The following CAST variants were observed in gnomAD, a reference collection of about 807,000 sequenced individuals.
CAST encodes the protein MIR583 host.
Under a neutral mutation model 119.6 loss-of-function variants are expected in CAST, and 76 were observed. That is an observed-to-expected ratio of 0.64 (90% CI 0.53 to 0.77). The LOEUF (loss-of-function observed/expected upper bound fraction) is 0.77, where lower values mean the gene tolerates loss of function less well. CAST is among the 30% of genes least tolerant of loss of function. The probability of loss-of-function intolerance (pLI) is 0.00; values close to 1 mark genes in which losing one functional copy is unlikely to be tolerated. For synonymous variants in CAST, 319 were observed against 331.6 expected (o/e 0.96, Z 0.41); for missense variants, 953 against 946.5 (o/e 1.01, Z -0.09).
chr5:96,378,974 G>A, the CAST span, among the ~76,000 whole-genome samples: 24 of 151,852 alleles, frequency 1.6e-4, no homozygotes, highest in African/African-American at 1.5e-4. Flanking sequence ...TAAAACTTTC[G>A]AATTCATTTT....
At chr5:96,208,768 C>T in the CAST span, among the ~76,000 whole-genome samples, 9 of 151,692 alleles carry the variant, frequency 5.9e-5, no homozygotes, top group Non-Finnish European at 1.3e-4. Flanking sequence ...GAGTATATGA[C>T]ATGTGCAGCT....
the CAST span, among the ~76,000 whole-genome samples, chr5:96,078,398 CTT>C: frequency 3.8e-4 from 55 of 145,574 alleles, no homozygotes; most frequent in Non-Finnish European, 3.3e-4. Context: ...TCTGATCAAG[CTT>C]TTTTTTTTTT....
the CAST span, among the ~76,000 whole-genome samples, chr5:96,154,103 C>T: frequency 5.9e-5 from 9 of 151,872 alleles, no homozygotes; most frequent in Non-Finnish European, 8.8e-5. Context: ...TGGTGAAACC[C>T]CGTCTCTACT....
the CAST span, among the ~76,000 whole-genome samples, chr5:96,494,843 C>T: frequency 3.9e-5 from 6 of 152,114 alleles, no homozygotes; most frequent in African/African-American, 1.4e-4. Flanking sequence ...GTTGGCCGGG[C>T]GCAGTAGCTC....
chr5:96,767,506 C>A, intron 28 of CAST, 24 bp downstream of exon 28: 2 of 1,601,960 alleles, frequency 1.2e-6, no homozygotes, highest in Non-Finnish European at 1.7e-6. Context: ...GAACATATTT[C>A]CATTAAATTT....
rs550180233 is a variant in CAST at position 96,564,908 on chromosome 5, CA to C, written c.60+35036del. 2.2e-3 allele frequency among the ~76,000 whole-genome samples: 329 copies of C among 151,796 alleles called. 1 individual carries two copies. The highest frequency in any genetic ancestry group is 0.014 in the Middle Eastern group (4 of 294). ...TGGATGACTGAGTGAGACCCTGTCTCAAAAAAAAGTCACCTATTCTGCGAAG... is the reference window on the plus strand; with the variant it reads ...TGGATGACTGAGTGAGACCCTGTCTCAAAAAAAGTCACCTATTCTGCGAAG... On this transcript the variant is annotated intron_variant, in intron 1 of 11. Coordinates refer to the CAST transcript ENST00000505143.
the CAST span, among the ~76,000 whole-genome samples, chr5:96,514,854 C>T: frequency 2.6e-5 from 4 of 152,136 alleles, no homozygotes; most frequent in African/African-American, 4.8e-5. Context: ...AGGGTTCAAG[C>T]GATTCTCATG....
At chr5:96,182,221 A>G in the CAST span, among the ~76,000 whole-genome samples, 1 of 152,140 alleles carries the variant, frequency 6.6e-6, no homozygotes, top group Non-Finnish European at 1.5e-5. Context: ...TGCTTCCAGA[A>G]TTCCTGGGGT....
intron 1 of CAST, among the ~76,000 whole-genome samples, chr5:96,566,450 G>A (rs1242357326): frequency 2.6e-5 from 4 of 152,168 alleles, no homozygotes; most frequent in Non-Finnish European, 4.4e-5. Flanking sequence ...CAAAATTGAA[G>A]AAAACAACCA....
chr5:96,062,420 C>T, the CAST span, among the ~76,000 whole-genome samples: 21 of 152,248 alleles, frequency 1.4e-4, no homozygotes, highest in East Asian at 1.2e-3. Context: ...ATGGATCCAG[C>T]GATGAAGGCT....
At chr5:96,750,224 G>T (rs1764702074) in intron 19 of CAST, among the ~76,000 whole-genome samples, 1 of 152,120 alleles carries the variant, frequency 6.6e-6, no homozygotes, top group South Asian at 2.1e-4. Context: ...TTGCTCAAAT[G>T]TATTGAGCTA....
At chr5:96,163,324 A>G in the CAST span, among the ~76,000 whole-genome samples, 1 of 152,206 alleles carries the variant, frequency 6.6e-6, no homozygotes, top group African/African-American at 2.4e-5. Context: ...TCTAGCTAAA[A>G]TTTCATTGAC....
upstream of CAST, among the ~76,000 whole-genome samples, chr5:96,526,736 C>T (rs1295788123): frequency 2.0e-5 from 3 of 152,148 alleles, no homozygotes; most frequent in Non-Finnish European, 4.4e-5. Flanking sequence ...TTGCTCTGTG[C>T]CTTAACACTT....
At chr5:96,309,776 G>A in the CAST span, among the ~76,000 whole-genome samples, 4 of 152,218 alleles carry the variant, frequency 2.6e-5, no homozygotes, top group Non-Finnish European at 4.4e-5. Context: ...CCTTCTGTGG[G>A]CTACACCCAC....
At chr5:96,325,573 A>C in the CAST span, among the ~76,000 whole-genome samples, 1 of 151,706 alleles carries the variant, frequency 6.6e-6, no homozygotes, top group East Asian at 1.9e-4. Context: ...TCCACCTCCC[A>C]GGCTCAAGCC....
chr5:96,180,022 C>CA, the CAST span, among the ~76,000 whole-genome samples: 3,972 of 148,860 alleles, frequency 0.027, 168 homozygotes, highest in African/African-American at 0.095. Context: ...GACTCCATCT[C>CA]AAAAAGAAAA....
rs1748015595 is a variant in CAST, at chr5:96,646,483, T to C, written c.61-29056T>C. On this transcript the variant is annotated intron_variant, in intron 1 of 11. Transcript: ENST00000505143. ...GGGATGTGGACTGTCTTGCAAGATG[T>C]ATTGTTAAATGAAAAAGGCAATGTG... Among the ~76,000 whole-genome samples, 3 of 152,264 alleles carry C rather than the reference T, an allele frequency of 2.0e-5. No individual in the cohort carries two copies. The South Asian group carries it at 6.2e-4, about 31-fold the overall frequency.
intron 1 of CAST, among the ~76,000 whole-genome samples, chr5:96,595,162 T>G (rs1353468102): frequency 2.0e-5 from 3 of 152,216 alleles, no homozygotes. Flanking sequence ...GGATCAGAGC[T>G]GGCAATGGAC....
the CAST span, among the ~76,000 whole-genome samples, chr5:96,431,190 G>T: frequency 6.6e-6 from 1 of 152,038 alleles, no homozygotes; most frequent in African/African-American, 2.4e-5. Context: ...CCCTCTTTGG[G>T]TCTCAAAAAT....
Sources: gnomAD v4.1 joint callset for allele counts (sites outside exome capture counted in the v4.1 genomes callset) on GRCh38, gnomAD v4.1.1 for gene constraint, MANE v1.5 for transcripts, NCBI Gene and HGNC (gene_info 2026-07-23, HGNC 2026-07-21) for gene names.